The following RIMOC1 variants were observed in gnomAD, a reference collection of about 807,000 sequenced individuals.
The protein encoded by RIMOC1 is RAB7A-interacting MON1-CCZ1 complex subunit 1.
At chr5:41,917,279 T>C in the RIMOC1 span, 2 of 1,610,564 alleles carry the variant, frequency 1.2e-6, no homozygotes, top group Non-Finnish European at 1.7e-6. Context: ...TTTAAACTTC[T>C]TTCATCATCG....
At chr5:41,921,542 T>C in the RIMOC1 span, 10 of 152,256 alleles carry the variant, frequency 6.6e-5, no homozygotes, top group South Asian at 1.0e-3. Flanking sequence ...GTATTTATGC[T>C]GGTGTTCTTT....
the RIMOC1 span, among the ~76,000 whole-genome samples, chr5:41,915,875 T>TC: frequency 0.012 from 1,854 of 152,314 alleles, 41 homozygotes; most frequent in African/African-American, 0.043. Context: ...CTCTTGCTAC[T>TC]CTTTATAAGC....
At chr5:41,905,969 G>GA in the RIMOC1 span, among the ~76,000 whole-genome samples, 1,621 of 152,210 alleles carry the variant, frequency 0.011, 76 homozygotes, top group Admixed American at 0.073. Flanking sequence ...AATATTACAA[G>GA]ATTTATGAAC....
the RIMOC1 span, among the ~76,000 whole-genome samples, chr5:41,906,780 C>G: frequency 3.9e-5 from 6 of 152,194 alleles, no homozygotes; most frequent in African/African-American, 1.4e-4. Context: ...ACAATGAACA[C>G]CTTATCTGTG....
At chr5:41,921,543 G>T in the RIMOC1 span, 1 of 151,024 alleles carries the variant, frequency 6.6e-6, no homozygotes, top group East Asian at 1.9e-4. Context: ...TATTTATGCT[G>T]GTGTTCTTTC....
the RIMOC1 span, among the ~76,000 whole-genome samples, chr5:41,906,989 G>A: frequency 6.6e-6 from 1 of 152,082 alleles, no homozygotes; most frequent in Non-Finnish European, 1.5e-5. Context: ...GCAGAAGGGT[G>A]GATAGTACCT....
the RIMOC1 span, among the ~76,000 whole-genome samples, chr5:41,911,885 G>T: frequency 6.6e-6 from 1 of 151,776 alleles, no homozygotes; most frequent in Non-Finnish European, 1.5e-5. Context: ...ATTTCAAGGG[G>T]TATATTTATA....
At chr5:41,905,576 G>A in the RIMOC1 span, among the ~76,000 whole-genome samples, 1 of 152,234 alleles carries the variant, frequency 6.6e-6, no homozygotes, top group Non-Finnish European at 1.5e-5. Flanking sequence ...GGCCAGGAGT[G>A]TGTTCTTTAA....
chr5:41,910,214 C>G, the RIMOC1 span, among the ~76,000 whole-genome samples: 1 of 152,052 alleles, frequency 6.6e-6, no homozygotes, highest in Non-Finnish European at 1.5e-5. Context: ...CTAATTACCA[C>G]GTCTGTTCTT....
At chr5:41,917,934 A>G in the RIMOC1 span, 1 of 922,844 alleles carries the variant, frequency 1.1e-6, no homozygotes. Flanking sequence ...TATTTTGTTT[A>G]AAAGACAATG....
At chr5:41,909,138 C>T in the RIMOC1 span, among the ~76,000 whole-genome samples, 1 of 152,062 alleles carries the variant, frequency 6.6e-6, no homozygotes, top group African/African-American at 2.4e-5. Context: ...AGAACTGACC[C>T]TAGAACCCAG....
chr5:41,904,460 T>C, the RIMOC1 span: 1 of 1,613,656 alleles, frequency 6.2e-7, no homozygotes, highest in Non-Finnish European at 8.5e-7. Context: ...AAGCTGCCGG[T>C]GAAGATGGTG....
At chr5:41,917,256 A>G in the RIMOC1 span, 2 of 1,612,250 alleles carry the variant, frequency 1.2e-6, no homozygotes, top group South Asian at 1.1e-5. Flanking sequence ...AATACAACGA[A>G]TGCAAAACAA....
At chr5:41,904,543 A>G in the RIMOC1 span, 3 of 1,377,170 alleles carry the variant, frequency 2.2e-6, no homozygotes, top group South Asian at 3.7e-5. Context: ...TGTGAGGGCT[A>G]GAGGCTGAGG....
At chr5:41,915,193 C>A in the RIMOC1 span, among the ~76,000 whole-genome samples, 2 of 152,120 alleles carry the variant, frequency 1.3e-5, no homozygotes, top group African/African-American at 4.8e-5. Context: ...TGGACATGGC[C>A]TTATCAGATA....
the RIMOC1 span, among the ~76,000 whole-genome samples, chr5:41,910,442 C>T: frequency 6.6e-6 from 1 of 151,898 alleles, no homozygotes; most frequent in South Asian, 2.1e-4. Context: ...AACCTGTTCA[C>T]AGGCTTTGTA....
chr5:41,911,482 A>C, the RIMOC1 span: 1 of 179,962 alleles, frequency 5.6e-6, no homozygotes, highest in Non-Finnish European at 1.1e-5. Flanking sequence ...GAAACACTTG[A>C]CTGTGAGCCT....
chr5:41,912,530 A>C, the RIMOC1 span, among the ~76,000 whole-genome samples: 2 of 152,214 alleles, frequency 1.3e-5, no homozygotes, highest in African/African-American at 2.4e-5. Flanking sequence ...ATTGACTCTC[A>C]GTTCCACATG....
the RIMOC1 span, among the ~76,000 whole-genome samples, chr5:41,913,289 C>G: frequency 6.6e-6 from 1 of 152,168 alleles, no homozygotes; most frequent in African/African-American, 2.4e-5. Context: ...AGTCCTTAAC[C>G]TGATACATTG....
Sources: gnomAD v4.1 joint callset for allele counts (sites outside exome capture counted in the v4.1 genomes callset) on GRCh38, gnomAD v4.1.1 for gene constraint, MANE v1.5 for transcripts, NCBI Gene and HGNC (gene_info 2026-07-23, HGNC 2026-07-21) for gene names.